The following BICD1 variants were observed in gnomAD, a reference collection of about 807,000 sequenced individuals.
BICD1 encodes protein bicaudal D homolog 1.
BICD1 carries 35 observed loss-of-function variants against 92.5 expected under a neutral mutation model. The observed-to-expected ratio is 0.38, with a 90% CI of 0.29 to 0.50. The LOEUF (loss-of-function observed/expected upper bound fraction) is 0.50. Among genes scored for constraint, BICD1 ranks in the 20% least tolerant of loss-of-function variants. The pLI is 0.93. For synonymous variants in BICD1, 429 were observed against 465.1 expected, an observed-to-expected ratio of 0.92 and a Z score of 1.00; for missense variants, 950 against 1,189.8, an observed-to-expected ratio of 0.80 and a Z score of 2.97.
chr12:32,348,932 C>G (rs766849188), intron 8 of BICD1, among the ~76,000 whole-genome samples: 3 of 151,970 alleles, frequency 2.0e-5, no homozygotes, highest in Non-Finnish European at 4.4e-5. Context: ...TTTAATCTTA[C>G]CACCTTCTAC....
intron 1 of BICD1, among the ~76,000 whole-genome samples, chr12:32,168,894 G>A (rs1200311305): frequency 6.6e-6 from 1 of 152,064 alleles, no homozygotes; most frequent in Non-Finnish European, 1.5e-5. Context: ...CCCGGGAGGC[G>A]GAGGTTGCAT....
chr12:32,362,225 T>G (rs1238995943), intron 8 of BICD1, among the ~76,000 whole-genome samples: 7 of 152,166 alleles, frequency 4.6e-5, no homozygotes, highest in Non-Finnish European at 8.8e-5. Context: ...CCGGGCATGG[T>G]GGTGCATGCC....
chr12:32,289,304 C>A (rs1371745769), intron 2 of BICD1, among the ~76,000 whole-genome samples: 1 of 152,192 alleles, frequency 6.6e-6, no homozygotes, highest in African/African-American at 2.4e-5. Flanking sequence ...TCATTGCTAA[C>A]TTTTTTCAGT....
rs1383336401 is a variant in BICD1, at chr12:32,254,096, TCATATTCACTGCCATATCCCACCTGC to T, written c.426+37651_426+37676del. On this transcript the variant is annotated intron_variant, in intron 2 of 9. Transcript: ENST00000652176. Reference sequence around the variant, plus strand: ...GCCATAATCACTGCCATATTCCACGTCATATTCACTGCCATATCCCACCTGCCATATTCACTGCCGTATCCCACCTG... The same window carrying T: ...GCCATAATCACTGCCATATTCCACGTCATATTCACTGCCGTATCCCACCTG... Among the ~76,000 whole-genome samples, 21 of 144,078 alleles carry T rather than the reference TCATATTCACTGCCATATCCCACCTGC, an allele frequency of 1.5e-4. No individual in the cohort carries two copies. The East Asian group carries it at 4.0e-3, about 28-fold the overall frequency. 94.5% of individuals were successfully genotyped at this position (144,078 alleles called of 152,430 possible). A position where few individuals can be genotyped will look rare whatever the true frequency, so the allele number is the denominator to read the frequency against.
intron 2 of BICD1, among the ~76,000 whole-genome samples, chr12:32,253,095 C>G (rs193202511): frequency 6.6e-6 from 1 of 152,062 alleles, no homozygotes. Context: ...GTTGCCCAGG[C>G]TGGTCTTGAA....
intron 8 of BICD1, among the ~76,000 whole-genome samples, chr12:32,347,582 G>C (rs1331149288): frequency 6.6e-6 from 1 of 151,272 alleles, no homozygotes; most frequent in East Asian, 2.0e-4. Context: ...AGGTTGCAGT[G>C]AGCTGAGATC....
chr12:32,282,267 C>T (rs1239604), intron 2 of BICD1, among the ~76,000 whole-genome samples: 48,042 of 133,196 alleles, frequency 0.36, 8,735 homozygotes, highest in Middle Eastern at 0.5. Flanking sequence ...GTTGCCCAGG[C>T]TGGAGTGCAG....
chr12:32,302,588 C>T (rs1199521152), intron 3 of BICD1, among the ~76,000 whole-genome samples: 1 of 152,054 alleles, frequency 6.6e-6, no homozygotes, highest in Non-Finnish European at 1.5e-5. Flanking sequence ...TTTATAGTGC[C>T]CAGTTATCAT....
chr12:32,183,042 C>G (rs1944323928), intron 1 of BICD1, among the ~76,000 whole-genome samples: 1 of 151,230 alleles, frequency 6.6e-6, no homozygotes, highest in African/African-American at 2.4e-5. Flanking sequence ...CAGGTGTGCA[C>G]CAGTGCACTC....
chr12:32,122,480 C>T (rs1486377968), intron 1 of BICD1, among the ~76,000 whole-genome samples: 1 of 96,518 alleles, frequency 1.0e-5, no homozygotes, highest in Non-Finnish European at 2.0e-5. Flanking sequence ...CAGAGCAAGA[C>T]TCCGTTTCAA....
intron 1 of BICD1, among the ~76,000 whole-genome samples, chr12:32,203,885 C>T (rs1944977013): frequency 6.6e-6 from 1 of 152,112 alleles, no homozygotes; most frequent in African/African-American, 2.4e-5. Flanking sequence ...AGAAACCTGT[C>T]TTTTAGAATG....
At chr12:32,306,477 T>C (rs190325818) in intron 4 of BICD1, among the ~76,000 whole-genome samples, 12,301 of 151,868 alleles carry the variant, frequency 0.081, 622 homozygotes, top group African/African-American at 0.13. Flanking sequence ...ATCTCCTGAC[T>C]TCGTGATCCG....
At chr12:32,283,644 TGAGGTGGAA>T (rs1947479677) in intron 2 of BICD1, among the ~76,000 whole-genome samples, 1 of 152,146 alleles carries the variant, frequency 6.6e-6, no homozygotes, top group African/African-American at 2.4e-5. Flanking sequence ...GAAACGTTGA[TGAGGTGGAA>T]GAGCGAGTGG....
At chr12:32,127,410 C>T (rs1471106920) in intron 1 of BICD1, among the ~76,000 whole-genome samples, 1 of 152,106 alleles carries the variant, frequency 6.6e-6, no homozygotes, top group African/African-American at 2.4e-5. Flanking sequence ...ATCTCAGTAC[C>T]ACAGGTTACT....
In BICD1 at chr12:32,304,378, A is replaced by T. The variant is rs549570358; in HGVS notation, c.580-1319A>T. On this transcript the variant is annotated intron_variant, in intron 3 of 9. Coordinates refer to ENST00000652176, the MANE Select transcript of BICD1 (RefSeq NM_001714.4). ...TGTATTAGCATCTAATATCATGATGACTTTATTTTACTTTTTCTACTTTAT... is the reference window on the plus strand; with the variant it reads ...TGTATTAGCATCTAATATCATGATGTCTTTATTTTACTTTTTCTACTTTAT... 3.3e-5 allele frequency among the ~76,000 whole-genome samples: 5 copies of T among 152,308 alleles called. No homozygotes were observed. In the East Asian group the frequency reaches 7.7e-4, roughly 23 times the overall value.
At chr12:32,226,169 C>G (rs1300703007) in intron 2 of BICD1, among the ~76,000 whole-genome samples, 2 of 152,206 alleles carry the variant, frequency 1.3e-5, no homozygotes, top group Non-Finnish European at 2.9e-5. Context: ...GAGTCTCGCT[C>G]TGTCACCCAT....
intron 2 of BICD1, among the ~76,000 whole-genome samples, chr12:32,291,650 CAACATAGTG>C (rs1175370505): frequency 1.3e-5 from 2 of 151,852 alleles, no homozygotes; most frequent in Non-Finnish European, 2.9e-5. Context: ...CCAGCCTGGG[CAACATAGTG>C]AAATACCATC....
intron 8 of BICD1, chr12:32,339,946 T>C: frequency 2.5e-6 from 2 of 810,776 alleles, no homozygotes; most frequent in South Asian, 1.1e-4. Context: ...GTTGGAGCTC[T>C]GTAGTGGCTG....
intron 1 of BICD1, among the ~76,000 whole-genome samples, chr12:32,213,030 A>C (rs1945260922): frequency 6.6e-6 from 1 of 152,224 alleles, no homozygotes. Flanking sequence ...TTACCATCTT[A>C]CATAATCATA....
Sources: gnomAD v4.1 joint callset for allele counts (sites outside exome capture counted in the v4.1 genomes callset) on GRCh38, gnomAD v4.1.1 for gene constraint, MANE v1.5 for transcripts, NCBI Gene and HGNC (gene_info 2026-07-23, HGNC 2026-07-21) for gene names.